The following NAGA variants were observed in gnomAD, a reference collection of about 807,000 sequenced individuals.
NAGA encodes the protein alpha-N-acetylgalactosaminidase, also known as Acetylgalactosaminidase, alpha-N- (alpha-galactosidase B).
Under a neutral mutation model 45.6 loss-of-function variants are expected in NAGA, and 42 were observed. That is an observed-to-expected ratio of 0.92 (90% confidence interval 0.72 to 1.19). NAGA has a LOEUF of 1.19. Among genes scored for constraint, NAGA ranks in the 50% most tolerant of loss-of-function variants. NAGA has a pLI of 0.00. For synonymous variants in NAGA, 176 were observed against 203.1 expected (o/e 0.87, Z 1.13); for missense variants, 493 against 544.8 (o/e 0.90, Z 0.95).
rs1050079695 is a variant in NAGA, at chr22:42,070,712, G to A, written c.-415C>T. The A allele has an allele frequency of 6.1e-6, 2 of 327,718 alleles. No individual in the cohort carries two copies. The highest frequency in any genetic ancestry group is 1.2e-5 in the Non-Finnish European group (2 of 168,982). The allele number at this position is 327,718 out of a possible 1,614,324, so 20.3% of individuals were successfully genotyped here. On this transcript the variant is annotated 5_prime_UTR_variant, in exon 1 of 9. Transcript: ENST00000396398. ...GACTTCCAGCCGGGTCCGGGTTCCC[G>A]CCCTGGGCTCCCCAAAACCGCAGAG...
chr22:42,065,665 G>A (rs1926678943), intron 6 of NAGA, 73 bp downstream of exon 6: 1 of 1,596,590 alleles, frequency 6.3e-7, no homozygotes, highest in Non-Finnish European at 8.6e-7. Flanking sequence ...CAAGAAGGAA[G>A]AAAGCACAGG....
At chr22:42,062,780 A>G in intron 7 of NAGA, 47 bp downstream of exon 7, 1 of 1,597,000 alleles carries the variant, frequency 6.3e-7, no homozygotes. Context: ...CTCTCAGGAG[A>G]ACCCAGTTCC....
chr22:42,069,664 C>T (rs560880959), intron 1 of NAGA, among the ~76,000 whole-genome samples: 1 of 150,976 alleles, frequency 6.6e-6, no homozygotes, highest in Admixed American at 6.6e-5. Flanking sequence ...CATTAGCCTA[C>T]AGCTGGCCAA....
intron 6 of NAGA, among the ~76,000 whole-genome samples, chr22:42,064,826 A>G (rs1015625325): frequency 5.9e-5 from 9 of 152,168 alleles, no homozygotes; most frequent in Non-Finnish European, 1.3e-4. Context: ...GAACGGGACA[A>G]AGTCCCTGTA....
At position 42,058,652 on chromosome 22, in the gene NAGA, A is replaced by T. The variant is rs1926191184; in HGVS notation, c.*1627T>A. 2 of 152,230 alleles carry T rather than the reference A, an allele frequency of 1.3e-5. No homozygotes were observed. Among genetic ancestry groups the T allele is most frequent in the South Asian group, 4.1e-4 (2 of 4,834 alleles). The allele number at this position is 152,230 out of a possible 1,614,324, so 9.4% of individuals were successfully genotyped here. On this transcript the variant is annotated 3_prime_UTR_variant, in exon 9 of 9. Transcript: ENST00000396398. ...ACTTATACAGCAAGTAAAGACATGTAGCTATCTTGGGCTGAAAGGTAAGGG... is the reference window on the plus strand; with the variant it reads ...ACTTATACAGCAAGTAAAGACATGTTGCTATCTTGGGCTGAAAGGTAAGGG...
chr22:42,059,956 T>A lies in NAGA; in HGVS notation c.*323A>T. 2.7e-6 allele frequency: 1 copy of A among 371,112 alleles called. No individual in the cohort carries two copies. Among genetic ancestry groups the A allele is most frequent in the South Asian group, 2.5e-5 (1 of 39,934 alleles). The allele number at this position is 371,112 out of a possible 1,614,324, so 23.0% of individuals were successfully genotyped here. ...AAACTTCCAAATCCTGATTTCAGAGTCAACAGCAAGGTCAGAGGCTAGAGT... is the reference window on the plus strand; with the variant it reads ...AAACTTCCAAATCCTGATTTCAGAGACAACAGCAAGGTCAGAGGCTAGAGT... On this transcript the variant is annotated 3_prime_UTR_variant, in exon 9 of 9. Coordinates refer to ENST00000396398, the MANE Select transcript of NAGA (RefSeq NM_000262.3).
At position 42,060,406 on chromosome 22, in the gene NAGA, TCCTGGG is replaced by T; in HGVS notation, c.1103_1108del (p.Ala368_Gln369del). 6.2e-7 allele frequency: 1 copy of T among 1,613,054 alleles called. No individual in the cohort carries two copies. Among genetic ancestry groups the T allele is most frequent in the Non-Finnish European group, 8.5e-7 (1 of 1,180,002 alleles). ...ACTGATGATGTCACCTGAGTAGACG[TCCTGGG>T]CCTGCAGTGGGGAGGGACATCACCA... On this transcript the variant is annotated inframe_deletion and splice_region_variant, in exon 9 of 9. Coordinates refer to ENST00000396398, the MANE Select transcript of NAGA (RefSeq NM_000262.3).
Position 42,061,020 on chromosome 22 carries a change from A to G in NAGA, c.1005T>C (p.Ala335=). The G allele has an allele frequency of 1.2e-6, 2 of 1,614,212 alleles. No homozygotes were observed. Among genetic ancestry groups the G allele is most frequent in the Non-Finnish European group, 1.7e-6 (2 of 1,180,036 alleles). ...EVYMRPLSNK[A]SALVFFSCRT... ...TGCAGCTGAAGAAGACTAAGGCGCT[A>G]GCCTTGTTGGACAGAGGCCGCATGT... Residue 335 remains alanine, a synonymous_variant, in exon 8 of 9, where the codon GCT becomes GCC. Coordinates refer to ENST00000396398, the MANE Select transcript of NAGA (RefSeq NM_000262.3).
At position 42,068,593 on chromosome 22, in the gene NAGA, G is replaced by A; in HGVS notation, c.17-19C>T. 6.2e-7 allele frequency: 1 copy of A among 1,613,784 alleles called. No homozygotes were observed. Among genetic ancestry groups the A allele is most frequent in the Non-Finnish European group, 8.5e-7 (1 of 1,179,954 alleles). On this transcript the variant is annotated intron_variant, in intron 1 of 8. Coordinates refer to ENST00000396398, the MANE Select transcript of NAGA (RefSeq NM_000262.3). ...AAGAGCACTAGGGGGCAAGGGAGGA[G>A]GGGATGGTGACTATCAGTTGCCCCC...
chr22:42,067,374 C>A (rs1926804590), intron 3 of NAGA, 84 bp from the exon 4 acceptor site: 1 of 1,540,506 alleles, frequency 6.5e-7, no homozygotes, highest in African/African-American at 1.4e-5. Context: ...TCCCATTAAA[C>A]CTCCAGTGGC....
intron 5 of NAGA, 105 bp from the exon 6 acceptor site, chr22:42,066,004 G>A (rs565474516): frequency 1.3e-5 from 19 of 1,414,246 alleles, no homozygotes; most frequent in Non-Finnish European, 1.9e-5. Context: ...AGAGAGTGGG[G>A]AAGAGGGAAG....
intron 6 of NAGA, among the ~76,000 whole-genome samples, chr22:42,064,504 G>T (rs1270305239): frequency 1.3e-5 from 2 of 150,360 alleles, no homozygotes; most frequent in Non-Finnish European, 3.0e-5. Context: ...AATTAGCTGG[G>T]TGTCATAGCA....
chr22:42,060,466 AC>A (rs138095593), intron 8 of NAGA, 53 bp from the exon 9 acceptor site: 133 of 1,598,110 alleles, frequency 8.3e-5, no homozygotes, highest in Admixed American at 1.9e-4. Context: ...CGGCACAGAG[AC>A]CCCCCCCGCT....
intron 7 of NAGA, among the ~76,000 whole-genome samples, chr22:42,061,598 G>T (rs1364396706): frequency 2.0e-5 from 3 of 152,162 alleles, no homozygotes; most frequent in Non-Finnish European, 4.4e-5. Flanking sequence ...CAGTTCTATA[G>T]GTGCCTTCCA....
In NAGA at chr22:42,067,842, C is replaced by G. The variant is rs202010344; in HGVS notation, c.247G>C (p.Gly83Arg). The change falls in exon 3 of 9, where the codon GGT becomes CGT. Residue 83 changes from glycine (G) to arginine (R), a missense_variant. Coordinates refer to ENST00000396398, the MANE Select transcript of NAGA (RefSeq NM_000262.3). Reference protein sequence around the residue: ...TYLNIDDCWIGGRDASGRLMP... With the variant: ...TYLNIDDCWIRGRDASGRLMP... ...AGGCGGCCACTGGCATCGCGACCAC[C>G]GATCCAGCAGTCATCAATGTTGAGG... The G allele has an allele frequency of 6.2e-7, 1 of 1,612,856 alleles. No individual in the cohort carries two copies. Among genetic ancestry groups the G allele is most frequent in the Admixed American group, 1.7e-5 (1 of 60,028 alleles).
intron 6 of NAGA, 87 bp downstream of exon 6, chr22:42,065,651 C>T (rs560557886): frequency 1.3e-6 from 2 of 1,566,260 alleles, no homozygotes; most frequent in East Asian, 2.3e-5. Flanking sequence ...CGGCAGTGAG[C>T]CTCCAAGAAG....
chr22:42,067,106 A>G lies in NAGA; in HGVS notation c.502+7T>C. The G allele has an allele frequency of 1.9e-6, 3 of 1,613,642 alleles. No individual in the cohort carries two copies. The highest frequency in any genetic ancestry group is 1.7e-6 in the Non-Finnish European group (2 of 1,179,936). ...GCCTACGTGCCCCAGCCAGCTGCGT[A>G]ACTCACCCTGGGCCCGCTCCTCGGG... On this transcript the variant is annotated splice_region_variant and intron_variant, in intron 4 of 8. Transcript: ENST00000396398.
rs1414624290 is a variant in NAGA at position 42,059,242 on chromosome 22, T to TA, written c.*1036dup. 1 of 152,114 alleles carries TA rather than the reference T, an allele frequency of 6.6e-6. No homozygotes were observed. Among genetic ancestry groups the TA allele is most frequent in the East Asian group, 1.9e-4 (1 of 5,190 alleles). The allele number at this position is 152,114 out of a possible 1,614,324, so 9.4% of individuals were successfully genotyped here. A position where few individuals can be genotyped will look rare whatever the true frequency, so the allele number is the denominator to read the frequency against. On this transcript the variant is annotated 3_prime_UTR_variant, in exon 9 of 9. Transcript: ENST00000396398. ...GGCTAAAAGAGGAGGGCTTGGGAAA[T>TA]ACGGACCAAAGCAAGACAGGCAAGA...
chr22:42,064,443 A>C (rs1659760252), intron 6 of NAGA, among the ~76,000 whole-genome samples: 4 of 149,650 alleles, frequency 2.7e-5, no homozygotes. Context: ...GTTTGAGACC[A>C]GTCTGGCCAA....
Sources: gnomAD v4.1 joint callset for allele counts (sites outside exome capture counted in the v4.1 genomes callset) on GRCh38, gnomAD v4.1.1 for gene constraint, MANE v1.5 for transcripts, NCBI Gene and HGNC (gene_info 2026-07-23, HGNC 2026-07-21) for gene names.